PARD3B: variants seen among roughly 807,000 people sequenced by gnomAD.
The protein encoded by PARD3B is partitioning defective 3 homolog B.
Under a neutral mutation model 130.2 loss-of-function variants are expected in PARD3B, and 103 were observed. The observed-to-expected ratio is 0.79, with a 90% CI of 0.67 to 0.93. The LOEUF (loss-of-function observed/expected upper bound fraction) is 0.93. Ranked by LOEUF, PARD3B falls within the 40% of genes least tolerant of loss-of-function variation. PARD3B has a pLI of 0.00. For missense variants in PARD3B, 1,609 were observed against 1,499.2 expected, an observed-to-expected ratio of 1.07 and a Z score of -1.21; for synonymous variants, 583 against 553.2, an observed-to-expected ratio of 1.05 and a Z score of -0.76.
In PARD3B at chr2:204,748,499, AT is replaced by A. The variant is rs899133402; in HGVS notation, c.222+62225del. On this transcript the variant is annotated intron_variant, in intron 2 of 22. Transcript: ENST00000406610. ...TAGAGGGATGAGAAACGATTGTGGAATTTTTTTTCTCTCTGTATTTTTATGT... is the reference window on the plus strand; with the variant it reads ...TAGAGGGATGAGAAACGATTGTGGAATTTTTTTCTCTCTGTATTTTTATGT... Among the ~76,000 whole-genome samples the A allele has an allele frequency of 4.6e-5, 7 of 151,946 alleles. 1 individual carries two copies. The highest frequency in any genetic ancestry group is 1.2e-4 in the African/African-American group (5 of 41,362).
Position 205,104,370 on chromosome 2 carries a change from A to G in PARD3B, c.505-56A>G. 15 of 1,282,254 alleles carry G rather than the reference A, an allele frequency of 1.2e-5. No homozygotes were observed. In the South Asian group the frequency reaches 1.8e-4, roughly 15 times the overall value. The allele number at this position is 1,282,254 out of a possible 1,614,324, so 79.4% of individuals were successfully genotyped here. A position where few individuals can be genotyped will look rare whatever the true frequency, so the allele number is the denominator to read the frequency against. On this transcript the variant is annotated intron_variant, in intron 4 of 22. Coordinates refer to ENST00000406610, the MANE Select transcript of PARD3B (RefSeq NM_001302769.2). ...TCTCCCATATTGGGATATTTTATTC[A>G]GATTTTCAATTCAATATGCACAGCA...
intron 6 of PARD3B, among the ~76,000 whole-genome samples, chr2:205,113,863 G>A (rs982954449): frequency 1.3e-5 from 2 of 151,974 alleles, no homozygotes; most frequent in Non-Finnish European, 2.9e-5. Flanking sequence ...AGAATCCTTG[G>A]CAAAGATGTT....
chr2:204,593,434 T>C (rs2033157184), intron 1 of PARD3B, among the ~76,000 whole-genome samples: 1 of 152,194 alleles, frequency 6.6e-6, no homozygotes, highest in Admixed American at 6.6e-5. Context: ...TGGCATTCAG[T>C]AAATACTTGT....
intron 2 of PARD3B, among the ~76,000 whole-genome samples, chr2:204,814,393 A>G (rs1199906014): frequency 1.3e-5 from 2 of 151,788 alleles, no homozygotes; most frequent in Non-Finnish European, 2.9e-5. Context: ...GATATATAAC[A>G]CAAAAACTCT....
At chr2:204,886,358 T>G (rs2046271341) in intron 2 of PARD3B, among the ~76,000 whole-genome samples, 1 of 152,196 alleles carries the variant, frequency 6.6e-6, no homozygotes, top group African/African-American at 2.4e-5. Context: ...TGACCCTCAT[T>G]ATGAGACATC....
Position 205,500,117 on chromosome 2 carries a change from C to T in PARD3B, c.3180+86C>T, listed in dbSNP as rs1472710701. ...AGAACACGGTCAAGAATGTTCTGTA[C>T]ATACCAGATTCTATTTAGGTTTCTT... On this transcript the variant is annotated intron_variant, in intron 21 of 22. Coordinates refer to ENST00000406610, the MANE Select transcript of PARD3B (RefSeq NM_001302769.2). The T allele has an allele frequency of 7.7e-6, 11 of 1,424,714 alleles. No homozygotes were observed. The East Asian group carries it at 1.4e-4, about 18-fold the overall frequency. 88.3% of individuals were successfully genotyped at this position (1,424,714 alleles called of 1,614,324 possible). A position where few individuals can be genotyped will look rare whatever the true frequency, so the allele number is the denominator to read the frequency against.
chr2:205,235,745 G>T (rs2039033835), intron 15 of PARD3B, among the ~76,000 whole-genome samples: 1 of 152,164 alleles, frequency 6.6e-6, no homozygotes, highest in Non-Finnish European at 1.5e-5. Context: ...TTTATTTCTT[G>T]AATTTTCCAT....
chr2:204,914,070 G>A (rs1199265732), intron 2 of PARD3B, among the ~76,000 whole-genome samples: 3 of 152,146 alleles, frequency 2.0e-5, no homozygotes, highest in African/African-American at 7.2e-5. Flanking sequence ...ACCTCCAACT[G>A]GCCTGCACGC....
intron 3 of PARD3B, among the ~76,000 whole-genome samples, chr2:204,998,886 G>A (rs981738422): frequency 1.6e-4 from 24 of 152,036 alleles, no homozygotes; most frequent in African/African-American, 5.6e-4. Flanking sequence ...GCTGATTTTT[G>A]TATTTTCAGT....
intron 2 of PARD3B, among the ~76,000 whole-genome samples, chr2:204,747,146 A>T (rs891206484): frequency 3.2e-4 from 49 of 151,986 alleles, no homozygotes; most frequent in African/African-American, 1.2e-3. Flanking sequence ...TCTTTAATTG[A>T]TTTTTGTATA....
At chr2:205,186,669 A>G (rs1481804106) in intron 14 of PARD3B, among the ~76,000 whole-genome samples, 1 of 152,174 alleles carries the variant, frequency 6.6e-6, no homozygotes, top group African/African-American at 2.4e-5. Flanking sequence ...AGTATAGCTA[A>G]CTGTATTAGG....
At chr2:204,730,667 A>G (rs2039470908) in intron 2 of PARD3B, among the ~76,000 whole-genome samples, 1 of 152,014 alleles carries the variant, frequency 6.6e-6, no homozygotes, top group South Asian at 2.1e-4. Flanking sequence ...CTCTCATCGG[A>G]GAATAAAGGA....
intron 21 of PARD3B, among the ~76,000 whole-genome samples, chr2:205,502,115 C>G (rs149828292): frequency 6.6e-6 from 1 of 152,162 alleles, no homozygotes; most frequent in African/African-American, 2.4e-5. Context: ...CCTCTCCCCA[C>G]GCCAAGGAAA....
intron 18 of PARD3B, among the ~76,000 whole-genome samples, chr2:205,312,726 C>A (rs2042431934): frequency 6.6e-6 from 1 of 152,150 alleles, no homozygotes; most frequent in Non-Finnish European, 1.5e-5. Context: ...TTTGTTTCTT[C>A]ATTTTGTTAA....
chr2:204,862,490 C>T (rs1415745395), intron 2 of PARD3B, among the ~76,000 whole-genome samples: 1 of 152,194 alleles, frequency 6.6e-6, no homozygotes, highest in African/African-American at 2.4e-5. Flanking sequence ...CCCGATTCCA[C>T]ATTTACCACT....
At chr2:205,389,725 C>T (rs918593680) in intron 18 of PARD3B, among the ~76,000 whole-genome samples, 1 of 152,162 alleles carries the variant, frequency 6.6e-6, no homozygotes, top group Non-Finnish European at 1.5e-5. Flanking sequence ...AGCAAAGCAA[C>T]AACTTGACAC....
At chr2:205,153,850 A>G (rs2033929034) in intron 10 of PARD3B, among the ~76,000 whole-genome samples, 3 of 152,234 alleles carry the variant, frequency 2.0e-5, no homozygotes, top group Admixed American at 1.3e-4. Context: ...CATATGTAGA[A>G]AGCTGAAACT....
chr2:205,447,230 A>G (rs1291294939), intron 20 of PARD3B, among the ~76,000 whole-genome samples: 1 of 152,210 alleles, frequency 6.6e-6, no homozygotes, highest in Non-Finnish European at 1.5e-5. Context: ...TGGGGTTTAT[A>G]CAGCCCATTT....
rs76803332 is a variant in PARD3B, at chr2:204,967,418, T to C, written c.394+2095T>C. 7.4e-3 allele frequency among the ~76,000 whole-genome samples: 1,134 copies of C among 152,318 alleles called. 19 individuals carry two copies. Among genetic ancestry groups the C allele is most frequent in the African/African-American group, 0.026 (1,062 of 41,578 alleles). The stretch of plus-strand genomic sequence containing the variant: ...ACTGTGTGCTTTCTCCAGTCCCTAC[T>C]GTTGCCAGAGCTGCCTTTCTAAATC... On this transcript the variant is annotated intron_variant, in intron 3 of 22. Transcript: ENST00000406610. The surrounding 1 kb of genome is among the most constrained non-coding windows in gnomAD (Gnocchi z 4.4).
Sources: allele counts gnomAD v4.1 joint callset (sites outside exome capture counted in the v4.1 genomes callset), GRCh38; gene constraint gnomAD v4.1.1; non-coding constraint Gnocchi (gnomAD v3.1); transcripts MANE v1.5; gene names NCBI Gene and HGNC (gene_info 2026-07-23, HGNC 2026-07-21).